The following SEPTIN11 variants were observed in gnomAD, a reference collection of about 807,000 sequenced individuals.
The protein encoded by SEPTIN11 is septin 11, also known as septin-11.
Under a neutral mutation model 51.4 loss-of-function variants are expected in SEPTIN11, and 25 were observed. That is an observed-to-expected ratio of 0.49 (90% CI 0.35 to 0.68). The LOEUF (loss-of-function observed/expected upper bound fraction) is 0.68. SEPTIN11 is among the 30% of genes least tolerant of loss of function. The pLI, the probability that SEPTIN11 is intolerant of heterozygous loss-of-function variation, is 0.00. For synonymous variants in SEPTIN11, 174 were observed against 184.1 expected (o/e 0.95, Z 0.44); for missense variants, 381 against 520.8 (o/e 0.73, Z 2.61).
intron 1 of SEPTIN11, among the ~76,000 whole-genome samples, chr4:76,992,870 G>T (rs558723016): frequency 2.6e-5 from 4 of 152,266 alleles, no homozygotes; most frequent in Non-Finnish European, 5.9e-5. Flanking sequence ...AAGAAACCTG[G>T]GTTTGTCCCA....
At chr4:76,998,767 G>A (rs949705138) in intron 2 of SEPTIN11, among the ~76,000 whole-genome samples, 1 of 152,046 alleles carries the variant, frequency 6.6e-6, no homozygotes, top group Non-Finnish European at 1.5e-5. Flanking sequence ...CATGACAGCA[G>A]TCTGGCTCTG....
chr4:76,997,761 A>G (rs189771320), intron 2 of SEPTIN11, among the ~76,000 whole-genome samples: 35 of 152,340 alleles, frequency 2.3e-4, no homozygotes, highest in African/African-American at 8.2e-4. Context: ...TCTCATGATA[A>G]ATGCTCATTG....
At chr4:77,022,294 G>A (rs1725772957) in intron 7 of SEPTIN11, among the ~76,000 whole-genome samples, 1 of 152,098 alleles carries the variant, frequency 6.6e-6, no homozygotes, top group African/African-American at 2.4e-5. Context: ...AAGAGCACTG[G>A]GCTAGGAGTC....
intron 9 of SEPTIN11, among the ~76,000 whole-genome samples, chr4:77,034,147 A>G (rs1419153879): frequency 2.6e-5 from 4 of 152,250 alleles, no homozygotes; most frequent in Non-Finnish European, 4.4e-5. Flanking sequence ...CCTATTCAGT[A>G]CTAATGGGAC....
intron 3 of SEPTIN11, among the ~76,000 whole-genome samples, chr4:77,007,259 A>G (rs1004779915): frequency 2.0e-5 from 3 of 152,238 alleles, no homozygotes; most frequent in African/African-American, 4.8e-5. Context: ...TACTCACAGA[A>G]TATACCCAGA....
chr4:76,969,107 G>A (rs2109898398), intron 1 of SEPTIN11, among the ~76,000 whole-genome samples: 1 of 152,292 alleles, frequency 6.6e-6, no homozygotes, highest in East Asian at 1.9e-4. Flanking sequence ...AAAGTCAGAT[G>A]CTGGATTTGT....
intron 3 of SEPTIN11, among the ~76,000 whole-genome samples, chr4:77,007,624 C>T (rs2109951024): frequency 6.6e-6 from 1 of 152,330 alleles, no homozygotes; most frequent in Admixed American, 6.5e-5. Flanking sequence ...TTATCTGACT[C>T]ATTTGGGTCA....
At chr4:77,013,418 G>A (rs564074627) in intron 4 of SEPTIN11, among the ~76,000 whole-genome samples, 1 of 152,310 alleles carries the variant, frequency 6.6e-6, no homozygotes, top group East Asian at 1.9e-4. Context: ...GGAAAAAGAG[G>A]TTTTAAAACT....
chr4:77,023,275 C>T (rs896031661), intron 7 of SEPTIN11, among the ~76,000 whole-genome samples: 2 of 103,576 alleles, frequency 1.9e-5, no homozygotes, highest in Non-Finnish European at 2.0e-5. Context: ...TGTATACACA[C>T]ACACACACAC....
chr4:76,972,641 T>G (rs1397164899), intron 1 of SEPTIN11: 9 of 152,206 alleles, frequency 5.9e-5, no homozygotes, highest in Admixed American at 5.9e-4. Context: ...CTGAGCTAGA[T>G]GAAAAACAAG....
Position 77,020,563 on chromosome 4 carries a change from G to A in SEPTIN11, c.846G>A (p.Met282Ile). The change falls in exon 7 of 10, where the codon ATG becomes ATA. Residue 282 changes from methionine to isoleucine, a missense_variant. Transcript: ENST00000264893. ...KLREMLIRVN[M>I]EDLREQTHTR... is the part of the protein sequence containing the mutation. ...GAGAGATGCTGATCCGCGTGAACAT[G>A]GAGGACTTGCGAGAGCAGACTCACA... The A allele has an allele frequency of 6.2e-7, 1 of 1,614,106 alleles. No individual in the cohort carries two copies. Among genetic ancestry groups the A allele is most frequent in the African/African-American group, 1.3e-5 (1 of 75,034 alleles).
intron 1 of SEPTIN11, among the ~76,000 whole-genome samples, chr4:76,990,146 T>C (rs934544415): frequency 1.3e-5 from 2 of 152,200 alleles, no homozygotes; most frequent in African/African-American, 4.8e-5. Context: ...AGTGCCCTTT[T>C]TTCAATCCTC....
intron 9 of SEPTIN11, among the ~76,000 whole-genome samples, chr4:77,033,830 A>T (rs527605550): frequency 2.2e-4 from 34 of 152,314 alleles, no homozygotes; most frequent in African/African-American, 7.7e-4. Context: ...AATCATTTTG[A>T]TTCTTGCTAA....
intron 8 of SEPTIN11, among the ~76,000 whole-genome samples, chr4:77,030,161 C>G (rs780742808): frequency 7.9e-5 from 12 of 152,052 alleles, no homozygotes; most frequent in Admixed American, 3.3e-4. Context: ...GAGGCTGAAG[C>G]AGGAGAATTG....
chr4:76,949,873 G>C lies in SEPTIN11; in HGVS notation c.-31G>C, dbSNP rs1286432770. ...CAGCCGGAGTCGGCGTAAAGCACCC[G>C]GGCGCAGCCGGAGCCGGTGCCGCAG... On this transcript the variant is annotated 5_prime_UTR_variant, in exon 1 of 10. Coordinates refer to ENST00000264893, the MANE Select transcript of SEPTIN11 (RefSeq NM_018243.4). 3 of 1,515,458 alleles carry C rather than the reference G, an allele frequency of 2.0e-6. No homozygotes were observed. Among genetic ancestry groups the C allele is most frequent in the Non-Finnish European group, 2.6e-6 (3 of 1,137,014 alleles). 93.9% of individuals were successfully genotyped at this position (1,515,458 alleles called of 1,614,324 possible).
At chr4:77,005,574 T>G (rs1223437239) in intron 2 of SEPTIN11, 27 bp from the exon 3 acceptor site, 1 of 1,593,512 alleles carries the variant, frequency 6.3e-7, no homozygotes, top group Non-Finnish European at 8.6e-7. Flanking sequence ...TGACACATTC[T>G]CTGATTTTTC....
chr4:77,032,454 CAG>C (rs1053569161), intron 9 of SEPTIN11, among the ~76,000 whole-genome samples: 1 of 152,194 alleles, frequency 6.6e-6, no homozygotes, highest in African/African-American at 2.4e-5. Context: ...GTTTCCCATG[CAG>C]AGACTCAGAT....
rs199953588 is a variant in SEPTIN11, at chr4:77,016,506, C to CAT, written c.687+1500_687+1501dup. 2.8e-5 allele frequency among the ~76,000 whole-genome samples: 4 copies of CAT among 140,448 alleles called. 1 individual carries two copies. Among genetic ancestry groups the CAT allele is most frequent in the Admixed American group, 1.4e-4 (2 of 13,972 alleles). The allele number at this position is 140,448 out of a possible 152,430, so 92.1% of individuals were successfully genotyped here. A position where few individuals can be genotyped will look rare whatever the true frequency, so the allele number is the denominator to read the frequency against. ...TATATATATATGTGTATATATATAG[C>CAT]ATATATATATATTTTGTATTATTGT... On this transcript the variant is annotated intron_variant, in intron 5 of 9. Transcript: ENST00000264893.
At position 77,037,037 on chromosome 4, in the gene SEPTIN11, C is replaced by A; in HGVS notation, c.*2525C>A. 8.3e-7 allele frequency: 1 copy of A among 1,208,832 alleles called. No individual in the cohort carries two copies. Among genetic ancestry groups the A allele is most frequent in the South Asian group, 3.2e-5 (1 of 31,576 alleles). The allele number at this position is 1,208,832 out of a possible 1,614,324, so 74.9% of individuals were successfully genotyped here. A position where few individuals can be genotyped will look rare whatever the true frequency, so the allele number is the denominator to read the frequency against. ...TTTCACAAGAACCACATAATAAATT[C>A]CACTTCTTGACCTGAATTTGGAAAT... On this transcript the variant is annotated 3_prime_UTR_variant, in exon 10 of 10. Transcript: ENST00000264893.
Sources: gnomAD v4.1 joint callset for allele counts (sites outside exome capture counted in the v4.1 genomes callset) on GRCh38, gnomAD v4.1.1 for gene constraint, MANE v1.5 for transcripts, NCBI Gene and HGNC (gene_info 2026-07-23, HGNC 2026-07-21) for gene names.